The following SMAP1 variants were observed in gnomAD, a reference collection of about 807,000 sequenced individuals.
SMAP1 encodes the protein stromal membrane-associated protein 1.
A neutral mutation model predicts 58.5 loss-of-function variants in SMAP1; 24 were observed. The ratio of observed to expected loss-of-function variants is 0.41; its 90% CI spans 0.30 to 0.58. The LOEUF (loss-of-function observed/expected upper bound fraction) is 0.58. Ranked by LOEUF, SMAP1 falls within the 20% of genes least tolerant of loss-of-function variation. SMAP1 has a pLI of 0.29. For synonymous variants in SMAP1, 216 were observed against 196.6 expected, an observed-to-expected ratio of 1.10 and a Z score of -0.82; for missense variants, 563 against 566.3, an observed-to-expected ratio of 0.99 and a Z score of 0.06.
At chr6:70,677,109 C>CT (rs1459187647) in intron 1 of SMAP1, among the ~76,000 whole-genome samples, 1 of 151,440 alleles carries the variant, frequency 6.6e-6, no homozygotes, top group Non-Finnish European at 1.5e-5. Context: ...ATTTTAGAAA[C>CT]TTACTGAGTC....
At chr6:70,713,211 A>G (rs551454441) in intron 1 of SMAP1, among the ~76,000 whole-genome samples, 2 of 151,866 alleles carry the variant, frequency 1.3e-5, no homozygotes, top group East Asian at 3.9e-4. Flanking sequence ...TATTTTCTCA[A>G]CAACCAACTC....
At chr6:70,763,124 T>TTTTTTTTTTTTTTTC (rs1766823784) in intron 3 of SMAP1, among the ~76,000 whole-genome samples, 1 of 148,422 alleles carries the variant, frequency 6.7e-6, no homozygotes, top group African/African-American at 2.5e-5. Context: ...TTTTTTTTTT[T>TTTTTTTTTTTTTTTC]TTTTTTACGA....
intron 1 of SMAP1, among the ~76,000 whole-genome samples, chr6:70,670,679 C>A (rs372179883): frequency 6.6e-6 from 1 of 152,162 alleles, no homozygotes; most frequent in East Asian, 1.9e-4. Context: ...TCAAACTTTT[C>A]ATGTACTGTA....
intron 6 of SMAP1, among the ~76,000 whole-genome samples, chr6:70,816,332 TGAG>T (rs1437281081): frequency 6.6e-6 from 1 of 152,132 alleles, no homozygotes; most frequent in Non-Finnish European, 1.5e-5. Flanking sequence ...TTTCTGATTT[TGAG>T]TGGGGAAGTA....
intron 6 of SMAP1, among the ~76,000 whole-genome samples, chr6:70,804,312 GT>G (rs551493045): frequency 4.0e-3 from 540 of 136,638 alleles, no homozygotes; most frequent in East Asian, 0.014. Flanking sequence ...TGCAACCCCT[GT>G]TTTTTTTTTT....
At chr6:70,672,651 T>G (rs1766316405) in intron 1 of SMAP1, among the ~76,000 whole-genome samples, 3 of 152,088 alleles carry the variant, frequency 2.0e-5, no homozygotes, top group South Asian at 2.1e-4. Flanking sequence ...GGTAGGCAAA[T>G]GTAACTTAGC....
chr6:70,815,876 G>A (rs779192212), intron 6 of SMAP1, among the ~76,000 whole-genome samples: 10 of 152,122 alleles, frequency 6.6e-5, no homozygotes, highest in Non-Finnish European at 1.2e-4. Flanking sequence ...GGGATTGAAT[G>A]TAGCAACTCT....
intron 8 of SMAP1, among the ~76,000 whole-genome samples, chr6:70,855,019 G>A (rs1771342768): frequency 7.1e-6 from 1 of 141,114 alleles, no homozygotes; most frequent in South Asian, 2.3e-4. Context: ...AGTCTTCATT[G>A]TTGACATGGA....
At chr6:70,788,631 AG>A (rs1313816986) in intron 4 of SMAP1, among the ~76,000 whole-genome samples, 1 of 152,144 alleles carries the variant, frequency 6.6e-6, no homozygotes, top group African/African-American at 2.4e-5. Flanking sequence ...TCTGAAGAAG[AG>A]GGACTAGCAA....
intron 2 of SMAP1, among the ~76,000 whole-genome samples, chr6:70,745,798 A>G (rs543004791): frequency 2.8e-4 from 43 of 152,302 alleles, no homozygotes; most frequent in Non-Finnish European, 6.0e-4. Context: ...GATTCTTCCT[A>G]TCCATGAGCA....
At chr6:70,815,413 A>G (rs1223806012) in intron 6 of SMAP1, among the ~76,000 whole-genome samples, 1 of 152,224 alleles carries the variant, frequency 6.6e-6, no homozygotes, top group Non-Finnish European at 1.5e-5. Flanking sequence ...ACAATTGCAT[A>G]AAATATTTGT....
intron 1 of SMAP1, among the ~76,000 whole-genome samples, chr6:70,725,156 G>A (rs1232765718): frequency 8.4e-6 from 1 of 118,984 alleles, no homozygotes; most frequent in Admixed American, 1.1e-4. Flanking sequence ...TCGCTCTGTC[G>A]CCCAGGCTGG....
intron 6 of SMAP1, among the ~76,000 whole-genome samples, chr6:70,803,789 A>G (rs1219397166): frequency 6.6e-6 from 1 of 152,200 alleles, no homozygotes; most frequent in Non-Finnish European, 1.5e-5. Flanking sequence ...GTTTCCATGT[A>G]GATGTGCAGT....
At chr6:70,726,874 GGTGTGTGTGTGTGTGTGT>G (rs35977042) in intron 1 of SMAP1, among the ~76,000 whole-genome samples, 4 of 144,908 alleles carry the variant, frequency 2.8e-5, no homozygotes, top group Admixed American at 6.9e-5. Flanking sequence ...AAATTTTAGG[GGTGTGTGTGTGTGTGTGT>G]GTGTGTGTGT....
At chr6:70,856,801 T>G (rs1181312760) in intron 8 of SMAP1, 58 bp from the exon 9 acceptor site, 1 of 1,465,068 alleles carries the variant, frequency 6.8e-7, no homozygotes, top group East Asian at 2.3e-5. Context: ...TTTTAAGTAA[T>G]GGATAAGCTG....
intron 7 of SMAP1, among the ~76,000 whole-genome samples, chr6:70,848,209 A>G (rs1225960329): frequency 6.6e-6 from 1 of 152,108 alleles, no homozygotes; most frequent in Non-Finnish European, 1.5e-5. Flanking sequence ...ATTATATCCC[A>G]CAGTTGCTTC....
At chr6:70,842,406 A>G (rs1770837301) in intron 7 of SMAP1, among the ~76,000 whole-genome samples, 2 of 152,190 alleles carry the variant, frequency 1.3e-5, no homozygotes, top group African/African-American at 2.4e-5. Flanking sequence ...GATACTTGCA[A>G]GTGGTCCTGA....
intron 6 of SMAP1, among the ~76,000 whole-genome samples, chr6:70,816,223 C>T (rs1418636350): frequency 6.6e-6 from 1 of 152,020 alleles, no homozygotes; most frequent in Non-Finnish European, 1.5e-5. Context: ...CATATTTTGG[C>T]AATTATCCAA....
intron 1 of SMAP1, chr6:70,668,764 T>C: frequency 6.6e-7 from 1 of 1,526,294 alleles, no homozygotes; most frequent in South Asian, 1.2e-5. Flanking sequence ...AGGTCTTTAT[T>C]AGTAGTAGTA....
Sources: gnomAD v4.1 joint callset for allele counts (sites outside exome capture counted in the v4.1 genomes callset) on GRCh38, gnomAD v4.1.1 for gene constraint, MANE v1.5 for transcripts, NCBI Gene and HGNC (gene_info 2026-07-23, HGNC 2026-07-21) for gene names.